Variants in MATN2 observed in about 807,000 individuals in gnomAD.
MATN2 encodes matrilin-2.
A neutral mutation model predicts 103.2 loss-of-function variants in MATN2; 69 were observed. That is an observed-to-expected ratio of 0.67 (90% CI 0.55 to 0.82). The LOEUF is 0.82. MATN2 is among the 40% of genes least tolerant of loss of function. The pLI is 0.00. For synonymous variants in MATN2, 429 were observed against 450.2 expected (o/e 0.95, Z 0.60); for missense variants, 1,023 against 1,211.5 (o/e 0.84, Z 2.31).
At chr8:97,987,651 T>C (rs2050825017) in intron 6 of MATN2, among the ~76,000 whole-genome samples, 1 of 152,204 alleles carries the variant, frequency 6.6e-6, no homozygotes, top group African/African-American at 2.4e-5. Context: ...TATAAGTGAT[T>C]GTAAGGGACT....
chr8:97,970,792 TA>T (rs200094143), intron 5 of MATN2, among the ~76,000 whole-genome samples: 2,423 of 150,736 alleles, frequency 0.016, 31 homozygotes, highest in Non-Finnish European at 0.023. Flanking sequence ...CTACAAAGAA[TA>T]AAAAAAAATC....
intron 18 of MATN2, among the ~76,000 whole-genome samples, chr8:98,034,728 G>GAAAA (rs1814171512): frequency 6.6e-6 from 1 of 152,066 alleles, no homozygotes; most frequent in African/African-American, 2.4e-5. Flanking sequence ...CAAAACCGTG[G>GAAAA]CCTTATGTAG....
chr8:98,007,089 G>A lies in MATN2; in HGVS notation c.1328-16G>A, dbSNP rs750960905. ...CCCCTCGGCTCCTCTATGCTTTCGCGTGTGTGAAAATGCAGGAGTGGACCA... is the reference window on the plus strand; with the variant it reads ...CCCCTCGGCTCCTCTATGCTTTCGCATGTGTGAAAATGCAGGAGTGGACCA... On this transcript the variant is annotated splice_polypyrimidine_tract_variant and intron_variant, in intron 8 of 18. Coordinates refer to ENST00000254898, the MANE Select transcript of MATN2 (RefSeq NM_002380.5). This position sits in a 1 kb window ranked among gnomAD's most constrained non-coding sequence, Gnocchi z 4.2. The A allele has an allele frequency of 6.0e-5, 96 of 1,599,492 alleles. No homozygotes were observed. The highest frequency in any genetic ancestry group is 1.6e-4 in the Middle Eastern group (1 of 6,068).
At chr8:97,908,388 T>C (rs1174144392) in intron 2 of MATN2, among the ~76,000 whole-genome samples, 2 of 152,054 alleles carry the variant, frequency 1.3e-5, no homozygotes, top group Non-Finnish European at 2.9e-5. Context: ...AGTGGGAGGA[T>C]TGCTTGAGCC....
At chr8:97,918,636 G>C (rs1809712152) in intron 2 of MATN2, among the ~76,000 whole-genome samples, 1 of 152,172 alleles carries the variant, frequency 6.6e-6, no homozygotes, top group Admixed American at 6.5e-5. Context: ...AGGGTGAAGT[G>C]GGGAGATTTG....
chr8:97,873,967 C>G (rs1817982931), intron 1 of MATN2, among the ~76,000 whole-genome samples: 1 of 152,074 alleles, frequency 6.6e-6, no homozygotes, highest in Non-Finnish European at 1.5e-5. Context: ...GTCACTGTTG[C>G]CCCATCAACA....
At chr8:97,984,533 G>A (rs1339387569) in intron 6 of MATN2, among the ~76,000 whole-genome samples, 1 of 152,206 alleles carries the variant, frequency 6.6e-6, no homozygotes, top group Non-Finnish European at 1.5e-5. Flanking sequence ...GTAACCACAG[G>A]ATGCTAATTG....
At chr8:98,030,690 TCTCA>T in intron 15 of MATN2, 76 bp downstream of exon 15, 1 of 1,403,856 alleles carries the variant, frequency 7.1e-7, no homozygotes, top group Non-Finnish European at 9.8e-7. Context: ...TGAGATGGAG[TCTCA>T]CTCTGTCATC....
At chr8:97,912,978 G>A (rs1809497523) in intron 2 of MATN2, among the ~76,000 whole-genome samples, 1 of 152,114 alleles carries the variant, frequency 6.6e-6, no homozygotes, top group Non-Finnish European at 1.5e-5. Flanking sequence ...GGAGCCCAGG[G>A]ACCACCACGC....
At chr8:97,966,770 G>A (rs1288804046) in intron 5 of MATN2, among the ~76,000 whole-genome samples, 3 of 152,178 alleles carry the variant, frequency 2.0e-5, no homozygotes, top group Non-Finnish European at 2.9e-5. Flanking sequence ...AAATATTTAT[G>A]TGTCAGTTGG....
chr8:97,983,494 T>C (rs547035080), intron 6 of MATN2, among the ~76,000 whole-genome samples: 157 of 152,292 alleles, frequency 1.0e-3, no homozygotes, highest in Non-Finnish European at 2.0e-3. Context: ...ATCCAGGGTC[T>C]TTTCACCAGA....
chr8:98,009,358 A>G lies in MATN2; in HGVS notation c.1573+1757A>G, dbSNP rs561136610. ...ATGTGTGTTCCCCAGCTCTACTCTC[A>G]ATGACAAAGGGCCAGACGACATGAC... On this transcript the variant is annotated intron_variant, in intron 10 of 18. Coordinates refer to ENST00000254898, the MANE Select transcript of MATN2 (RefSeq NM_002380.5). 9.8e-5 allele frequency among the ~76,000 whole-genome samples: 15 copies of G among 152,310 alleles called. No homozygotes were observed. In the South Asian group the frequency reaches 2.9e-3, roughly 29 times the overall value.
At chr8:97,945,289 G>A (rs1167985265) in intron 4 of MATN2, among the ~76,000 whole-genome samples, 1 of 152,142 alleles carries the variant, frequency 6.6e-6, no homozygotes, top group Non-Finnish European at 1.5e-5. Context: ...TTCTCACAAT[G>A]AGCTCTTAAA....
At chr8:97,989,729 T>A (rs1322702966) in intron 6 of MATN2, among the ~76,000 whole-genome samples, 2 of 152,140 alleles carry the variant, frequency 1.3e-5, no homozygotes, top group East Asian at 3.8e-4. Flanking sequence ...ACAGATAACC[T>A]GATCACCTGT....
intron 11 of MATN2, among the ~76,000 whole-genome samples, chr8:98,016,994 G>A (rs566164135): frequency 4.2e-4 from 64 of 152,166 alleles, no homozygotes; most frequent in African/African-American, 2.9e-4. Context: ...CAATTTTTGC[G>A]TAAATCTAAA....
At chr8:97,927,334 T>G (rs1380681545) in intron 2 of MATN2, among the ~76,000 whole-genome samples, 1 of 151,906 alleles carries the variant, frequency 6.6e-6, no homozygotes, top group Admixed American at 6.6e-5. Flanking sequence ...TTATTTTTTT[T>G]TTTTTAGTAG....
At chr8:97,997,336 G>C (rs971846761) in intron 7 of MATN2, among the ~76,000 whole-genome samples, 2 of 152,158 alleles carry the variant, frequency 1.3e-5, no homozygotes, top group South Asian at 4.1e-4. Context: ...TACTTCTCAG[G>C]ACCTGGATTT....
At chr8:97,914,136 A>T (rs1307607828) in intron 2 of MATN2, among the ~76,000 whole-genome samples, 1 of 152,040 alleles carries the variant, frequency 6.6e-6, no homozygotes, top group Non-Finnish European at 1.5e-5. Flanking sequence ...CTATTAGTAT[A>T]TACATAAGGA....
intron 7 of MATN2, among the ~76,000 whole-genome samples, chr8:97,997,265 G>A (rs781330168): frequency 4.6e-5 from 7 of 152,188 alleles, no homozygotes; most frequent in African/African-American, 1.7e-4. Flanking sequence ...GCCAAGAGAC[G>A]TGACGTCCAG....
Sources: allele counts gnomAD v4.1 joint callset (sites outside exome capture counted in the v4.1 genomes callset), GRCh38; gene constraint gnomAD v4.1.1; non-coding constraint Gnocchi (gnomAD v3.1); transcripts MANE v1.5; gene names NCBI Gene and HGNC (gene_info 2026-07-23, HGNC 2026-07-21).